ADAM18: variants seen among roughly 807,000 people sequenced by gnomAD.
ADAM18 encodes the protein ADAM metallopeptidase domain 18, also known as disintegrin and metalloproteinase domain-containing protein 18.
In ADAM18, 117 loss-of-function variants were observed where a neutral mutation model predicts 94.4. The observed-to-expected ratio is 1.24, with a 90% confidence interval of 1.07 to 1.45. The LOEUF is 1.45. Ranked by LOEUF, ADAM18 falls within the 40% of genes most tolerant of loss-of-function variation. ADAM18 has a pLI of 0.00. For missense variants in ADAM18, 936 were observed against 880.0 expected (o/e 1.06, Z -0.81); for synonymous variants, 327 against 291.6 (o/e 1.12, Z -1.24).
At chr8:39,614,166 A>G (rs1364897010) in intron 6 of ADAM18, among the ~76,000 whole-genome samples, 1 of 152,206 alleles carries the variant, frequency 6.6e-6, no homozygotes, top group Non-Finnish European at 1.5e-5. Flanking sequence ...ATCCCAAGAC[A>G]CATAGTCATC....
chr8:39,649,486 G>A (rs1820468772), intron 12 of ADAM18, among the ~76,000 whole-genome samples: 1 of 151,862 alleles, frequency 6.6e-6, no homozygotes, highest in Non-Finnish European at 1.5e-5. Flanking sequence ...CCTAAATATG[G>A]TATCATTTAC....
chr8:39,723,781 A>G lies in ADAM18; in HGVS notation c.2051A>G (p.His684Arg), dbSNP rs1261943532. The G allele has an allele frequency of 6.3e-7, 1 of 1,579,756 alleles. No individual in the cohort carries two copies. The highest frequency in any genetic ancestry group is 1.8e-5 in the Admixed American group (1 of 55,506). ...TATACTGAAAAAGGCTACAATACAC[A>G]CTGGAACAACTGGTTTATTCTGAGT... ...DFYTEKGYNTHWNNWFILSFC... is the reference protein window; with the variant it reads ...DFYTEKGYNTRWNNWFILSFC... Residue 684 changes from histidine to arginine, a missense_variant, in exon 19 of 20, where the codon CAC becomes CGC. Coordinates refer to ENST00000265707, the MANE Select transcript of ADAM18 (RefSeq NM_014237.3).
rs376156604 is a variant in ADAM18, at chr8:39,593,559, T to C, written c.132+8207T>C. Reference sequence around the variant, plus strand: ...AAAAAAAATCAGACATGTAGACCAATAGAAGAGAACAGAGAGCCCAGAAAT... The same window carrying C: ...AAAAAAAATCAGACATGTAGACCAACAGAAGAGAACAGAGAGCCCAGAAAT... On this transcript the variant is annotated intron_variant, in intron 2 of 19. Transcript: ENST00000265707. 9.9e-5 allele frequency among the ~76,000 whole-genome samples: 15 copies of C among 152,024 alleles called. 1 individual carries two copies. Among genetic ancestry groups the C allele is most frequent in the African/African-American group, 3.6e-4 (15 of 41,486 alleles).
At chr8:39,654,221 G>C (rs1434959261) in intron 12 of ADAM18, among the ~76,000 whole-genome samples, 2 of 142,574 alleles carry the variant, frequency 1.4e-5, no homozygotes, top group Non-Finnish European at 3.0e-5. Context: ...GCAGTGGCGC[G>C]ATCTCAGCTC....
chr8:39,708,382 A>T (rs565057919), intron 18 of ADAM18, among the ~76,000 whole-genome samples: 1 of 152,340 alleles, frequency 6.6e-6, no homozygotes, highest in South Asian at 2.1e-4. Context: ...AATTATAAAA[A>T]CTAAACAAAT....
chr8:39,608,988 A>T, intron 3 of ADAM18, 54 bp from the exon 4 acceptor site: 2 of 1,027,064 alleles, frequency 1.9e-6, no homozygotes, highest in Non-Finnish European at 2.9e-6. Flanking sequence ...ATTTGTTTTT[A>T]ACATTATATT....
chr8:39,642,630 C>A (rs141416415), intron 10 of ADAM18, among the ~76,000 whole-genome samples: 2 of 152,002 alleles, frequency 1.3e-5, no homozygotes, highest in Admixed American at 1.3e-4. Context: ...GTTTTTCTAT[C>A]AGTACCATGC....
At chr8:39,615,688 C>T (rs1419614385) in intron 6 of ADAM18, among the ~76,000 whole-genome samples, 1 of 152,128 alleles carries the variant, frequency 6.6e-6, no homozygotes, top group Non-Finnish European at 1.5e-5. Context: ...TCCCATTCAA[C>T]ATAGTACTAG....
chr8:39,685,076 C>G (rs1821573830), intron 16 of ADAM18: 3 of 152,180 alleles, frequency 2.0e-5, no homozygotes, highest in Non-Finnish European at 4.4e-5. Context: ...GCTGATGCTC[C>G]CAGCTGAATG....
At chr8:39,615,091 A>C (rs111839339) in intron 6 of ADAM18, among the ~76,000 whole-genome samples, 38 of 152,276 alleles carry the variant, frequency 2.5e-4, no homozygotes, top group African/African-American at 8.9e-4. Context: ...TAAACTCAGC[A>C]TTTGACCAAA....
At chr8:39,712,140 A>T (rs1025805415) in intron 18 of ADAM18, among the ~76,000 whole-genome samples, 8 of 152,034 alleles carry the variant, frequency 5.3e-5, no homozygotes, top group Admixed American at 2.0e-4. Flanking sequence ...AAATATATCA[A>T]TAATCACGTT....
At chr8:39,702,045 G>T (rs1367805045) in intron 17 of ADAM18, among the ~76,000 whole-genome samples, 1 of 152,052 alleles carries the variant, frequency 6.6e-6, no homozygotes, top group African/African-American at 2.4e-5. Flanking sequence ...CTGTCTTTGG[G>T]TCTTTGAGGA....
intron 10 of ADAM18, among the ~76,000 whole-genome samples, chr8:39,638,919 A>T (rs1455205937): frequency 6.6e-6 from 1 of 151,872 alleles, no homozygotes. Flanking sequence ...TTTTACACAT[A>T]CTTTATGCTA....
intron 5 of ADAM18, 95 bp from the exon 6 acceptor site, chr8:39,610,434 G>GT (rs1388389527): frequency 1.5e-6 from 2 of 1,375,908 alleles, no homozygotes; most frequent in East Asian, 5.2e-5. Flanking sequence ...CTTTAGTATA[G>GT]TTTTTTAATT....
At chr8:39,721,229 G>T (rs747055408) in intron 18 of ADAM18, among the ~76,000 whole-genome samples, 2 of 151,280 alleles carry the variant, frequency 1.3e-5, no homozygotes, top group African/African-American at 4.8e-5. Context: ...ACATGCAGAA[G>T]AAAAAATCTA....
rs115496491 is a variant in ADAM18, at chr8:39,634,178, A to G, written c.589-3086A>G. 7.9e-4 allele frequency among the ~76,000 whole-genome samples: 120 copies of G among 152,256 alleles called. 1 individual carries two copies. Among genetic ancestry groups the G allele is most frequent in the African/African-American group, 2.8e-3 (116 of 41,566 alleles). ...CCCTGGCTTTAGCTCAGCTGGGCCC[A>G]GGTACATCTCAGACTGTGGTTTCAA... is the stretch of plus-strand genomic sequence containing the variant. On this transcript the variant is annotated intron_variant, in intron 7 of 19. Transcript: ENST00000265707.
intron 14 of ADAM18, among the ~76,000 whole-genome samples, chr8:39,675,774 G>A (rs1200504415): frequency 6.6e-6 from 1 of 152,124 alleles, no homozygotes; most frequent in Non-Finnish European, 1.5e-5. Flanking sequence ...GTCTACCTTT[G>A]GTCTTTGATG....
At chr8:39,627,992 T>G (rs1417780175) in intron 6 of ADAM18, among the ~76,000 whole-genome samples, 1 of 152,138 alleles carries the variant, frequency 6.6e-6, no homozygotes, top group African/African-American at 2.4e-5. Flanking sequence ...TTGCTGGCTA[T>G]GAAATTCTTG....
At chr8:39,600,294 CTT>C (rs1818864401) in intron 2 of ADAM18, among the ~76,000 whole-genome samples, 1 of 152,022 alleles carries the variant, frequency 6.6e-6, no homozygotes, top group Non-Finnish European at 1.5e-5. Context: ...GCTTCTTTGA[CTT>C]AGGTAATATT....
Sources: gnomAD v4.1 joint callset for allele counts (sites outside exome capture counted in the v4.1 genomes callset) on GRCh38, gnomAD v4.1.1 for gene constraint, MANE v1.5 for transcripts, NCBI Gene and HGNC (gene_info 2026-07-23, HGNC 2026-07-21) for gene names.